TANC2: variants seen among roughly 807,000 people sequenced by gnomAD.
TANC2 encodes the protein protein TANC2.
A neutral mutation model predicts 210.5 loss-of-function variants in TANC2; 26 were observed. That is an observed-to-expected ratio of 0.12 (90% CI 0.09 to 0.17). TANC2 has a LOEUF of 0.17. Ranked by LOEUF, TANC2 falls within the 10% of genes least tolerant of loss-of-function variation. TANC2 has a pLI of 1.00. For synonymous variants in TANC2, 931 were observed against 967.1 expected, an observed-to-expected ratio of 0.96 and a Z score of 0.69; for missense variants, 2,129 against 2,608.9, an observed-to-expected ratio of 0.82 and a Z score of 4.01.
chr17:63,075,226 T>C (rs2036529523), intron 3 of TANC2, among the ~76,000 whole-genome samples: 1 of 152,188 alleles, frequency 6.6e-6, no homozygotes, highest in Non-Finnish European at 1.5e-5. Flanking sequence ...ACTACTAAAA[T>C]TGTAATTATT....
chr17:63,314,618 G>A (rs1450898417), exon 10 of TANC2: 1 of 1,613,942 alleles, frequency 6.2e-7, no homozygotes, highest in Non-Finnish European at 8.5e-7. Context: ...CAGCTGCCAT[G>A]GTACAAGGAT....
chr17:62,971,828 G>T (rs1034732365), intron 1 of TANC2, among the ~76,000 whole-genome samples: 3 of 152,178 alleles, frequency 2.0e-5, no homozygotes, highest in Admixed American at 6.5e-5. Flanking sequence ...GAGGGATCCG[G>T]GTTGTCCGTC....
At chr17:63,297,774 G>A (rs2044581918) in intron 9 of TANC2, among the ~76,000 whole-genome samples, 1 of 151,832 alleles carries the variant, frequency 6.6e-6, no homozygotes, top group Non-Finnish European at 1.5e-5. Context: ...TGAAAAGACA[G>A]CCCACAAAAT....
At chr17:63,204,322 T>C (rs1338765606) in intron 7 of TANC2, among the ~76,000 whole-genome samples, 1 of 151,974 alleles carries the variant, frequency 6.6e-6, no homozygotes, top group Non-Finnish European at 1.5e-5. Context: ...CTGCAAAACA[T>C]TGCAGAAGAA....
chr17:63,020,777 T>C (rs947617795), intron 2 of TANC2, among the ~76,000 whole-genome samples: 4 of 152,288 alleles, frequency 2.6e-5, no homozygotes, highest in Middle Eastern at 3.4e-3. Flanking sequence ...AAGATGTTTG[T>C]TTATTTGGCT....
chr17:63,313,025 A>G (rs2045182729), intron 9 of TANC2, among the ~76,000 whole-genome samples: 1 of 152,162 alleles, frequency 6.6e-6, no homozygotes, highest in African/African-American at 2.4e-5. Context: ...GTGTTTTCTC[A>G]AGTAAGCCAC....
Position 63,411,498 on chromosome 17 carries a change from C to T in TANC2, c.3590-13C>T. 6.2e-7 allele frequency: 1 copy of T among 1,602,748 alleles called. No individual in the cohort carries two copies. ...ATGTCTCCTCAGCCCTGTGCTATCA[C>T]TTGCCTTTGCAGGTGCCTCCATTGC... On this transcript the variant is annotated splice_polypyrimidine_tract_variant and intron_variant, in intron 21 of 27. Transcript: ENST00000689528.
chr17:63,339,527 T>C (rs2046156096), intron 11 of TANC2, among the ~76,000 whole-genome samples: 1 of 152,218 alleles, frequency 6.6e-6, no homozygotes, highest in Non-Finnish European at 1.5e-5. Flanking sequence ...TCCTTTTATC[T>C]AATTCTGATA....
chr17:63,407,857 T>C (rs944189599), intron 21 of TANC2, among the ~76,000 whole-genome samples: 1 of 152,048 alleles, frequency 6.6e-6, no homozygotes, highest in African/African-American at 2.4e-5. Context: ...GGAAGTAACA[T>C]AGATGAAAGG....
chr17:63,140,305 G>A (rs2039242220), intron 4 of TANC2, among the ~76,000 whole-genome samples: 1 of 152,148 alleles, frequency 6.6e-6, no homozygotes, highest in Non-Finnish European at 1.5e-5. Flanking sequence ...AGTCAGAATA[G>A]GCTAAACTAT....
intron 7 of TANC2, among the ~76,000 whole-genome samples, chr17:63,209,269 T>C (rs1598611839): frequency 6.6e-6 from 1 of 152,032 alleles, no homozygotes; most frequent in Admixed American, 6.6e-5. Flanking sequence ...CGCCTCAGCC[T>C]CCAAAAGTGC....
At chr17:63,188,143 T>C (rs2447446) in intron 5 of TANC2, among the ~76,000 whole-genome samples, 8,765 of 151,662 alleles carry the variant, frequency 0.058, 384 homozygotes, top group African/African-American at 0.12. Flanking sequence ...CCACAACAAA[T>C]GAGTGCAGGC....
chr17:63,119,443 A>G (rs1306603562), intron 4 of TANC2, among the ~76,000 whole-genome samples: 1 of 152,214 alleles, frequency 6.6e-6, no homozygotes, highest in Non-Finnish European at 1.5e-5. Context: ...GAGAATTAAT[A>G]TGTTAAGGGA....
At chr17:63,108,726 T>C (rs554050400) in intron 4 of TANC2, among the ~76,000 whole-genome samples, 1 of 151,710 alleles carries the variant, frequency 6.6e-6, no homozygotes, top group East Asian at 1.9e-4. Context: ...GGAGAATCCC[T>C]TGAACCCGTG....
At chr17:63,358,499 A>G (rs973490553) in intron 14 of TANC2, among the ~76,000 whole-genome samples, 3 of 151,894 alleles carry the variant, frequency 2.0e-5, no homozygotes, top group African/African-American at 7.3e-5. Context: ...CCTTGAAGCA[A>G]TCACAAACCT....
intron 2 of TANC2, among the ~76,000 whole-genome samples, chr17:63,031,608 A>G (rs1250202587): frequency 6.6e-6 from 1 of 152,100 alleles, no homozygotes; most frequent in Non-Finnish European, 1.5e-5. Context: ...CAGTGGATTC[A>G]TGCTCTAAGG....
At chr17:63,242,872 C>G (rs1381219523) in intron 8 of TANC2, among the ~76,000 whole-genome samples, 1 of 151,950 alleles carries the variant, frequency 6.6e-6, no homozygotes, top group Non-Finnish European at 1.5e-5. Context: ...TTGAAAGAAG[C>G]CAGATTAAAA....
intron 1 of TANC2, among the ~76,000 whole-genome samples, chr17:63,004,274 T>C (rs2033513338): frequency 6.6e-6 from 1 of 152,204 alleles, no homozygotes; most frequent in Non-Finnish European, 1.5e-5. Flanking sequence ...CCTGACACAC[T>C]GGTAACCAAT....
At position 62,994,384 on chromosome 17, in the gene TANC2, G is replaced by T. The variant is rs889990889; in HGVS notation, c.-23-15153G>T. ...TTTTTGTATTTTTAGTAGAGATGGG[G>T]TTTTGCCATGTTTGTCAGGCTAGTT... On this transcript the variant is annotated intron_variant, in intron 1 of 27. Coordinates refer to ENST00000689528, the Ensembl canonical transcript of TANC2. Among the ~76,000 whole-genome samples the T allele has an allele frequency of 4.6e-5, 7 of 151,320 alleles. No individual in the cohort carries two copies. In the East Asian group the frequency reaches 9.7e-4, roughly 21 times the overall value.
Sources: allele counts gnomAD v4.1 joint callset (sites outside exome capture counted in the v4.1 genomes callset), GRCh38; gene constraint gnomAD v4.1.1; transcripts MANE v1.5; gene names NCBI Gene and HGNC (gene_info 2026-07-23, HGNC 2026-07-21).